EIPR1: variants seen among roughly 807,000 people sequenced by gnomAD.
EIPR1 encodes the protein EARP complex and GARP complex interacting protein 1.
EIPR1 carries 25 observed loss-of-function variants against 48.1 expected under a neutral mutation model. The observed-to-expected ratio is 0.52, with a 90% CI of 0.38 to 0.73. The LOEUF (loss-of-function observed/expected upper bound fraction) is 0.73, where lower values mean the gene tolerates loss of function less well. Ranked by LOEUF, EIPR1 falls within the 30% of genes least tolerant of loss-of-function variation. The probability of loss-of-function intolerance (pLI) is 0.00; values close to 1 mark genes in which losing one functional copy is unlikely to be tolerated. For synonymous variants in EIPR1, 204 were observed against 201.9 expected (o/e 1.01, Z -0.09); for missense variants, 415 against 506.2 (o/e 0.82, Z 1.73).
At chr2:3,210,314 C>G (rs969302392) in intron 5 of EIPR1, among the ~76,000 whole-genome samples, 1 of 152,170 alleles carries the variant, frequency 6.6e-6, no homozygotes, top group African/African-American at 2.4e-5. Context: ...ACGAAGGGAA[C>G]AACTCCTCAT....
At chr2:3,238,149 A>G (rs975291521) in intron 4 of EIPR1, among the ~76,000 whole-genome samples, 2 of 152,204 alleles carry the variant, frequency 1.3e-5, no homozygotes, top group Admixed American at 1.3e-4. Flanking sequence ...TATTTTAAGA[A>G]GAAAAAAACC....
intron 3 of EIPR1, among the ~76,000 whole-genome samples, chr2:3,267,093 C>G (rs1008431600): frequency 4.6e-5 from 7 of 152,224 alleles, no homozygotes; most frequent in African/African-American, 1.7e-4. Context: ...TACGGCCAAG[C>G]AGGGACCCGG....
intron 4 of EIPR1, among the ~76,000 whole-genome samples, chr2:3,241,879 A>G (rs144296602): frequency 9.6e-4 from 146 of 152,356 alleles, no homozygotes; most frequent in African/African-American, 2.9e-3. Context: ...TTCTTCTTCA[A>G]ATAAGTGATT....
chr2:3,199,497 C>G (rs1168477540), intron 5 of EIPR1, among the ~76,000 whole-genome samples: 1 of 152,238 alleles, frequency 6.6e-6, no homozygotes, highest in Non-Finnish European at 1.5e-5. Flanking sequence ...GCAGGTCCCT[C>G]TGTTCGCAGT....
chr2:3,208,826 C>T, intron 5 of EIPR1: 1 of 1,550,472 alleles, frequency 6.4e-7, no homozygotes, highest in East Asian at 2.4e-5. Context: ...AGGCCCGTGG[C>T]AGGTGCAGGT....
intron 4 of EIPR1, among the ~76,000 whole-genome samples, chr2:3,239,811 T>C (rs1666536558): frequency 6.6e-6 from 1 of 152,272 alleles, no homozygotes; most frequent in Non-Finnish European, 1.5e-5. Context: ...CTAACTCTTA[T>C]TTTCTTTCCA....
chr2:3,295,654 C>A (rs1668547826), intron 3 of EIPR1, among the ~76,000 whole-genome samples: 1 of 136,704 alleles, frequency 7.3e-6, no homozygotes. Context: ...TCCATCCAGC[C>A]CGTCCTCTCT....
At chr2:3,374,091 T>C (rs1359443562) in intron 1 of EIPR1, among the ~76,000 whole-genome samples, 6 of 145,856 alleles carry the variant, frequency 4.1e-5, no homozygotes, top group African/African-American at 1.5e-4. Flanking sequence ...TACAACTATC[T>C]GATCTTTGAC....
Position 3,375,123 on chromosome 2 carries a change from C to T in EIPR1, c.42+2525G>A, listed in dbSNP as rs553923917. ...GAAATCATCATTCTCAGTAAACTGTCGCAAGGACAAAAAACCAAACACTGC... is the reference window on the plus strand; with the variant it reads ...GAAATCATCATTCTCAGTAAACTGTTGCAAGGACAAAAAACCAAACACTGC... On this transcript the variant is annotated intron_variant, in intron 1 of 8. Transcript: ENST00000382125. 1.7e-3 allele frequency among the ~76,000 whole-genome samples: 260 copies of T among 151,234 alleles called. 12 individuals carry two copies. In the South Asian group the frequency reaches 0.048, roughly 28 times the overall value.
intron 3 of EIPR1, among the ~76,000 whole-genome samples, chr2:3,263,669 C>A (rs1667402548): frequency 6.6e-6 from 1 of 151,448 alleles, no homozygotes; most frequent in Non-Finnish European, 1.5e-5. Flanking sequence ...CACGGTGCGG[C>A]CAGCGCCCTC....
intron 3 of EIPR1, among the ~76,000 whole-genome samples, chr2:3,277,619 C>T (rs1394272074): frequency 6.6e-6 from 1 of 152,234 alleles, no homozygotes; most frequent in Non-Finnish European, 1.5e-5. Context: ...TTCCTTTTCT[C>T]ATTAATTAAG....
At chr2:3,254,807 C>T (rs1667104201) in intron 4 of EIPR1, among the ~76,000 whole-genome samples, 1 of 152,194 alleles carries the variant, frequency 6.6e-6, no homozygotes, top group African/African-American at 2.4e-5. Context: ...CACGAACCCA[C>T]ACACACAATA....
At chr2:3,316,132 CCCACCACCATCA>C (rs1321643669) in intron 3 of EIPR1, among the ~76,000 whole-genome samples, 2 of 128,432 alleles carry the variant, frequency 1.6e-5, no homozygotes, top group Admixed American at 7.7e-5. Context: ...CATACACACC[CCCACCACCATCA>C]CCACCACCAT....
Position 3,311,628 on chromosome 2 carries a change from A to G in EIPR1, c.259+26389T>C, listed in dbSNP as rs529960823. Among the ~76,000 whole-genome samples, 17 of 152,326 alleles carry G rather than the reference A, an allele frequency of 1.1e-4. No individual in the cohort carries two copies. In the South Asian group the frequency reaches 3.3e-3, roughly 30 times the overall value. ...CCTACTAACTCCTGTCTCACCCACC[A>G]TCCCTCGTTCAGAATCAGGAGGGCA... On this transcript the variant is annotated intron_variant, in intron 3 of 8. Transcript: ENST00000382125.
intron 3 of EIPR1, among the ~76,000 whole-genome samples, chr2:3,327,231 T>G (rs1317740646): frequency 6.6e-6 from 1 of 152,206 alleles, no homozygotes; most frequent in Non-Finnish European, 1.5e-5. Flanking sequence ...TCGCCCAGGC[T>G]GGAGTGCAGT....
At chr2:3,267,941 G>A (rs1003654624) in intron 3 of EIPR1, among the ~76,000 whole-genome samples, 4 of 152,240 alleles carry the variant, frequency 2.6e-5, no homozygotes, top group African/African-American at 7.2e-5. Context: ...CCTGCAGACC[G>A]TGCCCTGTGT....
chr2:3,203,941 C>T (rs1435120283), intron 5 of EIPR1, among the ~76,000 whole-genome samples: 3 of 152,202 alleles, frequency 2.0e-5, no homozygotes, highest in African/African-American at 7.2e-5. Context: ...AGACCACAGC[C>T]TCATGCGAGG....
chr2:3,375,165 A>C (rs1249089167), intron 1 of EIPR1, among the ~76,000 whole-genome samples: 2 of 145,488 alleles, frequency 1.4e-5, no homozygotes, highest in African/African-American at 5.1e-5. Context: ...TCACTCACAG[A>C]TGGGAATTGA....
chr2:3,240,406 C>A (rs1371094167), intron 4 of EIPR1, among the ~76,000 whole-genome samples: 2 of 150,404 alleles, frequency 1.3e-5, no homozygotes, highest in Admixed American at 6.6e-5. Context: ...GCAAAGCCAG[C>A]AGATCCTTCC....
Sources: gnomAD v4.1 joint callset for allele counts (sites outside exome capture counted in the v4.1 genomes callset) on GRCh38, gnomAD v4.1.1 for gene constraint, MANE v1.5 for transcripts, NCBI Gene and HGNC (gene_info 2026-07-23, HGNC 2026-07-21) for gene names.